The following HORMAD2 variants were observed in gnomAD, a reference collection of about 807,000 sequenced individuals.
HORMAD2 encodes HORMA domain containing 2.
HORMAD2 carries 45 observed loss-of-function variants against 38.8 expected under a neutral mutation model. The observed-to-expected ratio is 1.16, with a 90% CI of 0.91 to 1.49. The LOEUF (loss-of-function observed/expected upper bound fraction) is 1.49, where lower values mean the gene tolerates loss of function less well. Ranked by LOEUF, HORMAD2 falls within the 40% of genes most tolerant of loss-of-function variation. HORMAD2 has a pLI of 0.00. For synonymous variants in HORMAD2, 126 were observed against 122.8 expected (o/e 1.03, Z -0.17); for missense variants, 338 against 367.0 (o/e 0.92, Z 0.65).
At chr22:30,199,327 T>C in the HORMAD2 span, among the ~76,000 whole-genome samples, 11 of 152,330 alleles carry the variant, frequency 7.2e-5, no homozygotes, top group South Asian at 2.1e-4. Flanking sequence ...AGAAATAAGG[T>C]GGAGGGGCTT....
chr22:30,175,538 A>T (rs576087185), intron 10 of HORMAD2, among the ~76,000 whole-genome samples: 96 of 151,920 alleles, frequency 6.3e-4, no homozygotes, highest in African/African-American at 2.2e-3. Context: ...AGCCAAACTC[A>T]ATGGCAAAAT....
intron 10 of HORMAD2, among the ~76,000 whole-genome samples, chr22:30,130,586 C>CTTTTTTTTTTTT (rs66636269): frequency 1.1e-5 from 1 of 87,880 alleles, no homozygotes; most frequent in Non-Finnish European, 2.3e-5. Flanking sequence ...CTTTTCTTTT[C>CTTTTTTTTTTTT]TTTTTTTTTT....
intron 1 of HORMAD2, among the ~76,000 whole-genome samples, chr22:30,081,412 G>T (rs1424533476): frequency 6.6e-6 from 1 of 152,138 alleles, no homozygotes; most frequent in Non-Finnish European, 1.5e-5. Flanking sequence ...TTAATATAGT[G>T]GAAGCCATTT....
chr22:30,157,802 C>T (rs1049383796), intron 10 of HORMAD2, among the ~76,000 whole-genome samples: 8 of 152,140 alleles, frequency 5.3e-5, no homozygotes, highest in African/African-American at 1.9e-4. Flanking sequence ...ATCCCTTATA[C>T]TTCTCATAAC....
At chr22:30,087,336 G>C (rs1008309541) in intron 1 of HORMAD2, among the ~76,000 whole-genome samples, 14 of 152,186 alleles carry the variant, frequency 9.2e-5, no homozygotes, top group Non-Finnish European at 2.1e-4. Context: ...GAACATCAAG[G>C]TGGAACAGTC....
chr22:30,165,392 C>T (rs1925714851), intron 10 of HORMAD2, among the ~76,000 whole-genome samples: 1 of 152,098 alleles, frequency 6.6e-6, no homozygotes, highest in Non-Finnish European at 1.5e-5. Flanking sequence ...ATTTGGAGAT[C>T]CTTGAGATCC....
intron 10 of HORMAD2, among the ~76,000 whole-genome samples, chr22:30,135,530 C>T (rs751035462): frequency 6.6e-5 from 10 of 152,022 alleles, no homozygotes; most frequent in Admixed American, 6.6e-5. Context: ...CAGAAATCAG[C>T]ATAGGGGTTC....
intron 10 of HORMAD2, 59 bp from the exon 11 acceptor site, chr22:30,176,004 G>T: frequency 9.2e-7 from 1 of 1,084,956 alleles, no homozygotes; most frequent in Non-Finnish European, 1.4e-6. Flanking sequence ...TCTTATATAT[G>T]TCTTGTGCAG....
At chr22:30,178,511 A>C (rs1027016348), downstream of HORMAD2, among the ~76,000 whole-genome samples, 3 of 152,242 alleles carry the variant, frequency 2.0e-5, no homozygotes, top group African/African-American at 7.2e-5. Context: ...CAGAGCTCAA[A>C]TATGCAACCA....
At position 30,098,838 on chromosome 22, in the gene HORMAD2, C is replaced by T. The variant is rs202004062; in HGVS notation, c.52-14C>T. The T allele has an allele frequency of 1.5e-4, 248 of 1,603,542 alleles. No homozygotes were observed. The Middle Eastern group carries it at 1.7e-3, about 11-fold the overall frequency. On this transcript the variant is annotated splice_polypyrimidine_tract_variant and intron_variant, in intron 2 of 10. Transcript: ENST00000336726. ...AATAATACTAATCTTTTTTCACCTCCGTTGTTTTTCCAGGAAACAGTTTTC... is the reference window on the plus strand; with the variant it reads ...AATAATACTAATCTTTTTTCACCTCTGTTGTTTTTCCAGGAAACAGTTTTC...
At chr22:30,166,961 CA>C (rs1465834783) in intron 10 of HORMAD2, among the ~76,000 whole-genome samples, 1 of 152,156 alleles carries the variant, frequency 6.6e-6, no homozygotes, top group Non-Finnish European at 1.5e-5. Context: ...GTTGCTGTAA[CA>C]AATTACAAGT....
At position 30,083,324 on chromosome 22, in the gene HORMAD2, C is replaced by G. The variant is rs1207884478; in HGVS notation, c.-38+2833C>G. Among the ~76,000 whole-genome samples the G allele has an allele frequency of 2.0e-5, 3 of 152,232 alleles. No homozygotes were observed. The South Asian group carries it at 6.2e-4, about 32-fold the overall frequency. On this transcript the variant is annotated intron_variant, in intron 1 of 10. Transcript: ENST00000336726. ...TGTGAAGTTTCAAATATGTGTGGAT[C>G]TAATTTGCAAACAAATATATAAGAG...
chr22:30,103,147 T>C (rs1920967249), intron 3 of HORMAD2, among the ~76,000 whole-genome samples: 1 of 152,162 alleles, frequency 6.6e-6, no homozygotes, highest in Admixed American at 6.5e-5. Context: ...TTACTTAGAA[T>C]TCTACAGCGG....
chr22:30,111,916 T>A, intron 6 of HORMAD2, 100 bp downstream of exon 6: 1 of 412,800 alleles, frequency 2.4e-6, no homozygotes, highest in South Asian at 4.7e-5. Context: ...CCTCCCTGAC[T>A]TTTTTTTTTT....
intron 2 of HORMAD2, among the ~76,000 whole-genome samples, chr22:30,097,341 A>G (rs1417262564): frequency 6.6e-6 from 1 of 152,238 alleles, no homozygotes; most frequent in Non-Finnish European, 1.5e-5. Context: ...TCGCTCTCTT[A>G]TCACATTCCT....
chr22:30,185,540 A>G, the HORMAD2 span, among the ~76,000 whole-genome samples: 1 of 152,240 alleles, frequency 6.6e-6, no homozygotes, highest in East Asian at 1.9e-4. Flanking sequence ...CCACCTTTCA[A>G]TAACTTACTA....
chr22:30,083,495 T>C (rs1354700187), intron 1 of HORMAD2, among the ~76,000 whole-genome samples: 3 of 152,200 alleles, frequency 2.0e-5, no homozygotes, highest in African/African-American at 7.2e-5. Context: ...TCTAGAGTCA[T>C]ACCTCCTGTG....
chr22:30,119,478 A>G (rs561806752), intron 8 of HORMAD2, among the ~76,000 whole-genome samples: 1 of 152,210 alleles, frequency 6.6e-6, no homozygotes, highest in Non-Finnish European at 1.5e-5. Context: ...AGTATGTCAT[A>G]TAAATATCAT....
chr22:30,184,483 A>G, the HORMAD2 span, among the ~76,000 whole-genome samples: 3 of 152,172 alleles, frequency 2.0e-5, no homozygotes, highest in African/African-American at 7.2e-5. Context: ...GTTACTTATC[A>G]TCTTCTATTT....
Sources: allele counts gnomAD v4.1 joint callset (sites outside exome capture counted in the v4.1 genomes callset), GRCh38; gene constraint gnomAD v4.1.1; transcripts MANE v1.5; gene names NCBI Gene and HGNC (gene_info 2026-07-23, HGNC 2026-07-21).